The following GPR146 variants were observed in gnomAD, a reference collection of about 807,000 sequenced individuals.
GPR146 encodes the protein G-protein coupled receptor 146.
For synonymous variants in GPR146, 203 were observed against 104.3 expected, an observed-to-expected ratio of 1.95 and a Z score of -5.77; for missense variants, 381 against 213.9, an observed-to-expected ratio of 1.78 and a Z score of -4.87.
intron 1 of GPR146, among the ~76,000 whole-genome samples, chr7:1,050,121 C>T (rs2128195542): frequency 6.6e-6 from 1 of 152,364 alleles, no homozygotes; most frequent in East Asian, 1.9e-4. Flanking sequence ...CTGCTGTCAG[C>T]ACAGGCCTAC....
At position 1,057,726 on chromosome 7, in the gene GPR146, G is replaced by C; in HGVS notation, c.211G>C (p.Val71Leu). The C allele has an allele frequency of 1.3e-6, 1 of 775,386 alleles. No homozygotes were observed. The highest frequency in any genetic ancestry group is 2.4e-6 in the Non-Finnish European group (1 of 417,510). The allele number at this position is 775,386 out of a possible 1,614,324, so 48.0% of individuals were successfully genotyped here. A position where few individuals can be genotyped will look rare whatever the true frequency, so the allele number is the denominator to read the frequency against. Residue 71 changes from valine (V) to leucine (L), a missense_variant, in exon 2 of 2, where the codon GTG becomes CTG. Coordinates refer to ENST00000444847, the MANE Select transcript of GPR146 (RefSeq NM_001303473.2). Reference protein sequence around the residue: ...MPDVYFVNMAVAGLVLSALAP... With the variant: ...MPDVYFVNMALAGLVLSALAP... ...GGACGTGTACTTTGTCAACATGGCAGTGGCAGGCCTGGTGCTCAGCGCCCT... is the reference window on the plus strand; with the variant it reads ...GGACGTGTACTTTGTCAACATGGCACTGGCAGGCCTGGTGCTCAGCGCCCT...
intron 1 of GPR146, among the ~76,000 whole-genome samples, chr7:1,046,067 G>A (rs1237781511): frequency 6.8e-6 from 1 of 147,960 alleles, no homozygotes; most frequent in East Asian, 1.9e-4. Context: ...AGGATGTAAA[G>A]GCTGATTATG....
intron 1 of GPR146, among the ~76,000 whole-genome samples, chr7:1,047,262 T>A (rs1253935452): frequency 6.6e-6 from 1 of 152,222 alleles, no homozygotes; most frequent in Non-Finnish European, 1.5e-5. Flanking sequence ...GAGCCCGTCC[T>A]GGAGCCGCAA....
chr7:1,045,214 G>T (rs1459196392), intron 1 of GPR146: 1 of 152,226 alleles, frequency 6.6e-6, no homozygotes, highest in Non-Finnish European at 1.5e-5. Flanking sequence ...TACAAACCTG[G>T]CAAGTCAGTT....
intron 1 of GPR146, among the ~76,000 whole-genome samples, chr7:1,050,300 AG>A (rs1434257638): frequency 6.6e-6 from 1 of 152,240 alleles, no homozygotes; most frequent in Non-Finnish European, 1.5e-5. Context: ...GGTTTAGATC[AG>A]GAACAGAACA....
chr7:1,050,510 T>C (rs1234391828), intron 1 of GPR146, among the ~76,000 whole-genome samples: 1 of 152,212 alleles, frequency 6.6e-6, no homozygotes, highest in African/African-American at 2.4e-5. Context: ...TGCCCCAGCT[T>C]CTCCAAGTCC....
rs117788844 is a variant in GPR146, at chr7:1,052,915, C to T, written c.-24-4577C>T. ...CGCCGCCACAACAAACTCAGGCTTT[C>T]GTGTAGGAAAAGAGCCCACTTCTGA... On this transcript the variant is annotated intron_variant, in intron 1 of 1. Coordinates refer to ENST00000444847, the MANE Select transcript of GPR146 (RefSeq NM_001303473.2). The surrounding 1 kb of genome is among the most constrained non-coding windows in gnomAD (Gnocchi z 4.2). 0.01 allele frequency among the ~76,000 whole-genome samples: 1,543 copies of T among 152,304 alleles called. 17 individuals are homozygous for T. Among genetic ancestry groups the T allele is most frequent in the Middle Eastern group, 0.048 (14 of 294 alleles).
At chr7:1,051,625 T>C (rs1783119369) in intron 1 of GPR146, among the ~76,000 whole-genome samples, 1 of 152,202 alleles carries the variant, frequency 6.6e-6, no homozygotes, top group Non-Finnish European at 1.5e-5. Flanking sequence ...CGCCACTGGA[T>C]TGGGAAGGAC....
In GPR146 at chr7:1,050,587, G is replaced by A. The variant is rs569744881; in HGVS notation, c.-25+5929G>A. 1.1e-4 allele frequency among the ~76,000 whole-genome samples: 16 copies of A among 152,344 alleles called. No individual in the cohort carries two copies. In the South Asian group the frequency reaches 2.3e-3, roughly 22 times the overall value. ...GGCGTCCCTGCACCCTGGTGCAGGC[G>A]GACGGACGCGGGAGAGCCTGCAAGG... On this transcript the variant is annotated intron_variant, in intron 1 of 1. Transcript: ENST00000444847.
intron 1 of GPR146, among the ~76,000 whole-genome samples, chr7:1,047,470 G>A (rs889410220): frequency 2.0e-5 from 3 of 152,238 alleles, no homozygotes; most frequent in African/African-American, 7.2e-5. Context: ...ATCAGTGTGC[G>A]TAAGCTCTCC....
rs369315225 is a variant in GPR146 at position 1,058,271 on chromosome 7, C to G, written c.756C>G (p.Ile252Met). The G allele has an allele frequency of 6.5e-6, 5 of 772,594 alleles. No homozygotes were observed. Among genetic ancestry groups the G allele is most frequent in the African/African-American group, 5.1e-5 (3 of 59,282 alleles). The allele number at this position is 772,594 out of a possible 1,614,324, so 47.9% of individuals were successfully genotyped here. A position where few individuals can be genotyped will look rare whatever the true frequency, so the allele number is the denominator to read the frequency against. ...QFGLWTPHYLILLGHTVIISR... is the reference protein window; with the variant it reads ...QFGLWTPHYLMLLGHTVIISR... ...GGCTCTGGACGCCACACTATCTGAT[C>G]CTGCTGGGGCACACGGTCATCATCT... Residue 252 changes from isoleucine to methionine, a missense_variant, in exon 2 of 2, where the codon ATC becomes ATG. Ile to Met is a conservative substitution (Grantham distance 10). Transcript: ENST00000444847.
chr7:1,058,176 G>A lies in GPR146; in HGVS notation c.661G>A (p.Asp221Asn), dbSNP rs753514178. ...SRVRREDTPLDRDTGRLEPSA... is the reference protein window; with the variant it reads ...SRVRREDTPLNRDTGRLEPSA... ...CGTCCGCAGGGAGGACACGCCCCTG[G>A]ACCGGGACACGGGCCGGCTGGAGCC... is the stretch of plus-strand genomic sequence containing the variant. Residue 221 changes from aspartate to asparagine, a missense_variant, in exon 2 of 2, where the codon GAC (aspartate) becomes AAC (asparagine). Physicochemically the swap from Asp to Asn is conservative, Grantham distance 23 (BLOSUM62 1). Coordinates refer to ENST00000444847, the MANE Select transcript of GPR146 (RefSeq NM_001303473.2). 3 of 740,318 alleles carry A rather than the reference G, an allele frequency of 4.1e-6. No homozygotes were observed. Among genetic ancestry groups the A allele is most frequent in the Non-Finnish European group, 7.4e-6 (3 of 403,994 alleles). The allele number at this position is 740,318 out of a possible 1,614,324, so 45.9% of individuals were successfully genotyped here. A position where few individuals can be genotyped will look rare whatever the true frequency, so the allele number is the denominator to read the frequency against.
chr7:1,057,688 G>C lies in GPR146; in HGVS notation c.173G>C (p.Ser58Thr). Reference protein sequence around the residue: ...LVLANLHSKASMTMPDVYFVN... With the variant: ...LVLANLHSKATMTMPDVYFVN... Reference sequence around the variant, plus strand: ...CTGGCCAACCTACACAGCAAGGCCAGCATGACCATGCCGGACGTGTACTTT... The same window carrying C: ...CTGGCCAACCTACACAGCAAGGCCACCATGACCATGCCGGACGTGTACTTT... Residue 58 changes from serine to threonine, a missense_variant, in exon 2 of 2, where the codon AGC becomes ACC. Ser to Thr is a moderately conservative substitution (Grantham distance 58). Transcript: ENST00000444847. 2.6e-6 allele frequency: 2 copies of C among 773,476 alleles called. No homozygotes were observed. Among genetic ancestry groups the C allele is most frequent in the Non-Finnish European group, 2.4e-6 (1 of 416,512 alleles). The allele number at this position is 773,476 out of a possible 1,614,324, so 47.9% of individuals were successfully genotyped here.
At chr7:1,055,417 C>G (rs1428707791) in intron 1 of GPR146, 2 of 468,544 alleles carry the variant, frequency 4.3e-6, no homozygotes, top group Non-Finnish European at 8.8e-6. Flanking sequence ...CACCTCTGTC[C>G]CGCCATGCTG....
At chr7:1,048,255 G>A (rs771139700) in intron 1 of GPR146, among the ~76,000 whole-genome samples, 4 of 152,176 alleles carry the variant, frequency 2.6e-5, no homozygotes, top group Non-Finnish European at 5.9e-5. Context: ...GGGACTTGCC[G>A]GCCCCAGCTC....
chr7:1,053,839 A>C (rs979890633), intron 1 of GPR146, among the ~76,000 whole-genome samples: 2 of 152,118 alleles, frequency 1.3e-5, no homozygotes, highest in African/African-American at 2.4e-5. Flanking sequence ...AAAAACAAAA[A>C]CAAAACCAAA....
At position 1,058,121 on chromosome 7, in the gene GPR146, C is replaced by T. The variant is rs1246300162; in HGVS notation, c.606C>T (p.Ala202=). Residue 202 remains alanine (A), a synonymous_variant, in exon 2 of 2, where the codon GCC becomes GCT. Coordinates refer to ENST00000444847, the MANE Select transcript of GPR146 (RefSeq NM_001303473.2). ...VFIGYVVPAL[A]TLYALVLLSR... ...TCGGCTACGTGGTGCCAGCACTGGC[C>T]ACCCTCTACGCGCTGGTGCTACTCT... is the stretch of plus-strand genomic sequence containing the variant. The T allele has an allele frequency of 2.6e-6, 2 of 758,710 alleles. No homozygotes were observed. Among genetic ancestry groups the T allele is most frequent in the East Asian group, 2.4e-5 (1 of 40,982 alleles). 47.0% of individuals were successfully genotyped at this position (758,710 alleles called of 1,614,324 possible).
chr7:1,057,130 A>C (rs1881124), intron 1 of GPR146, among the ~76,000 whole-genome samples: 25,676 of 151,904 alleles, frequency 0.17, 2,318 homozygotes, highest in African/African-American at 0.19. Context: ...AACACCACAG[A>C]CATCTAGTAA....
At position 1,059,108 on chromosome 7, in the gene GPR146, T is replaced by C. The variant is rs1026547109; in HGVS notation, c.*591T>C. ...GTTAAATGGAGCTATTCAATAGCAG[T>C]GACGCGCTCTCCTCAGCCACCAAAT... On this transcript the variant is annotated 3_prime_UTR_variant, in exon 2 of 2. Transcript: ENST00000444847. 2 of 169,966 alleles carry C rather than the reference T, an allele frequency of 1.2e-5. No individual in the cohort carries two copies. Among genetic ancestry groups the C allele is most frequent in the African/African-American group, 4.8e-5 (2 of 41,456 alleles). The allele number at this position is 169,966 out of a possible 1,614,324, so 10.5% of individuals were successfully genotyped here.
Sources: allele counts gnomAD v4.1 joint callset (sites outside exome capture counted in the v4.1 genomes callset), GRCh38; gene constraint gnomAD v4.1.1; non-coding constraint Gnocchi (gnomAD v3.1); transcripts MANE v1.5; gene names NCBI Gene and HGNC (gene_info 2026-07-23, HGNC 2026-07-21).